The following SNX29 variants were observed in gnomAD, a reference collection of about 807,000 sequenced individuals.
SNX29 encodes the protein sorting nexin 29, also known as sorting nexin-29.
In SNX29, 78 loss-of-function variants were observed where a neutral mutation model predicts 102.1. The observed-to-expected ratio is 0.76, with a 90% CI of 0.64 to 0.92. The LOEUF (loss-of-function observed/expected upper bound fraction) is 0.92. Among genes scored for constraint, SNX29 ranks in the 40% least tolerant of loss-of-function variants. The pLI is 0.00. For synonymous variants in SNX29, 580 were observed against 414.5 expected (o/e 1.40, Z -4.85); for missense variants, 1,280 against 1,061.7 (o/e 1.21, Z -2.86).
At chr16:12,061,690 G>C in intron 9 of SNX29, 44 bp downstream of exon 9, 1 of 1,533,792 alleles carries the variant, frequency 6.5e-7, no homozygotes, top group Non-Finnish European at 8.9e-7. Context: ...AAGAGCTTTG[G>C]CTTCGAGAAC....
At chr16:12,029,547 C>T in intron 4 of SNX29, 1 of 453,646 alleles carries the variant, frequency 2.2e-6, no homozygotes, top group Non-Finnish European at 4.4e-6. Context: ...AGAACCACTG[C>T]CGTTATTGGC....
intron 18 of SNX29, among the ~76,000 whole-genome samples, chr16:12,445,424 T>G (rs2086006459): frequency 6.6e-6 from 1 of 152,186 alleles, no homozygotes; most frequent in South Asian, 2.1e-4. Flanking sequence ...GCAACTCTCC[T>G]GTGTGCATCT....
chr16:12,506,285 C>G (rs1055050622), intron 19 of SNX29, among the ~76,000 whole-genome samples: 1 of 152,128 alleles, frequency 6.6e-6, no homozygotes, highest in Admixed American at 6.5e-5. Flanking sequence ...TCAAACCAAT[C>G]ACTGTATCCA....
chr16:12,549,890 G>A (rs556443480), intron 20 of SNX29, among the ~76,000 whole-genome samples: 1 of 152,262 alleles, frequency 6.6e-6, no homozygotes, highest in Non-Finnish European at 1.5e-5. Context: ...CTAGAACAGA[G>A]ATCAGAAAAT....
chr16:12,149,037 C>A (rs1031105590), intron 13 of SNX29, among the ~76,000 whole-genome samples: 2 of 152,154 alleles, frequency 1.3e-5, no homozygotes, highest in Admixed American at 1.3e-4. Flanking sequence ...TAGATCTATT[C>A]CAAGGAGCCT....
At chr16:12,048,808 G>A (rs548498328) in intron 7 of SNX29, among the ~76,000 whole-genome samples, 188 bp downstream of exon 7, 8 of 152,278 alleles carry the variant, frequency 5.3e-5, no homozygotes, top group Admixed American at 2.0e-4. Context: ...ACCTAGATGC[G>A]AGAATTGCCG....
At chr16:12,094,309 A>G (rs959470983) in intron 11 of SNX29, among the ~76,000 whole-genome samples, 1 of 152,226 alleles carries the variant, frequency 6.6e-6, no homozygotes, top group African/African-American at 2.4e-5. Context: ...AGTATCTGGC[A>G]TCTTAAAGAC....
At chr16:12,369,487 G>T (rs556242932) in intron 16 of SNX29, among the ~76,000 whole-genome samples, 1 of 152,314 alleles carries the variant, frequency 6.6e-6, no homozygotes, top group African/African-American at 2.4e-5. Flanking sequence ...GGGTTCCTGT[G>T]CCTGGGGCAA....
At chr16:12,471,617 A>G (rs1481416790) in intron 18 of SNX29, among the ~76,000 whole-genome samples, 2 of 152,188 alleles carry the variant, frequency 1.3e-5, no homozygotes, top group Admixed American at 6.5e-5. Context: ...TGCCCCATCT[A>G]CGGCCTGGCT....
chr16:12,221,008 C>A lies in SNX29; in HGVS notation c.1678+21325C>A, dbSNP rs78767550. On this transcript the variant is annotated intron_variant, in intron 14 of 20. Transcript: ENST00000566228. The stretch of plus-strand genomic sequence containing the variant: ...TTAAGTACGTCTTTATTACAGTCTG[C>A]CTCGATGCTCACCCTCTCTTCATTG... Among the ~76,000 whole-genome samples, 234 of 152,292 alleles carry A rather than the reference C, an allele frequency of 1.5e-3. 2 individuals carry two copies. The East Asian group carries it at 0.034, about 22-fold the overall frequency.
At chr16:12,218,166 C>T (rs2077374601) in intron 14 of SNX29, among the ~76,000 whole-genome samples, 2 of 152,168 alleles carry the variant, frequency 1.3e-5, no homozygotes, top group African/African-American at 4.8e-5. Flanking sequence ...GTACTTCATA[C>T]TTTGATTTTT....
At chr16:12,568,191 A>AG (rs796636237) in intron 20 of SNX29, among the ~76,000 whole-genome samples, 43 of 152,196 alleles carry the variant, frequency 2.8e-4, no homozygotes, top group African/African-American at 9.9e-4. Context: ...AATGTGGGGA[A>AG]GAAAGCTGTG....
chr16:12,513,964 A>G (rs1211400260), intron 19 of SNX29, among the ~76,000 whole-genome samples: 3 of 152,126 alleles, frequency 2.0e-5, no homozygotes, highest in South Asian at 4.1e-4. Flanking sequence ...CCCAGAAACA[A>G]CTGCTCAGGC....
intron 11 of SNX29, among the ~76,000 whole-genome samples, chr16:12,106,584 C>T (rs2053256202): frequency 6.6e-6 from 1 of 151,896 alleles, no homozygotes; most frequent in Non-Finnish European, 1.5e-5. Context: ...ATTGATCCTC[C>T]TGCCTCAGCC....
chr16:12,416,256 G>A (rs753473511), intron 18 of SNX29, among the ~76,000 whole-genome samples: 9 of 152,066 alleles, frequency 5.9e-5, no homozygotes, highest in African/African-American at 2.2e-4. Context: ...TAGCACAGAC[G>A]CAAGCAGAGC....
At chr16:12,349,275 T>A (rs1334403397) in intron 15 of SNX29, among the ~76,000 whole-genome samples, 1 of 152,238 alleles carries the variant, frequency 6.6e-6, no homozygotes, top group Non-Finnish European at 1.5e-5. Flanking sequence ...CAGATTTCAC[T>A]GTCACTCCCT....
At chr16:12,535,934 G>A (rs920331732) in intron 20 of SNX29, among the ~76,000 whole-genome samples, 11 of 152,168 alleles carry the variant, frequency 7.2e-5, no homozygotes, top group African/African-American at 2.7e-4. Flanking sequence ...AAATGGGGCT[G>A]GGGAGGGTTA....
At chr16:12,079,948 C>T (rs564634278) in intron 11 of SNX29, among the ~76,000 whole-genome samples, 1 of 152,144 alleles carries the variant, frequency 6.6e-6, no homozygotes, top group Admixed American at 6.5e-5. Flanking sequence ...TCATTTAGCT[C>T]TGGGTGAAAT....
intron 18 of SNX29, among the ~76,000 whole-genome samples, chr16:12,447,410 G>T (rs1441442682): frequency 6.6e-6 from 1 of 152,126 alleles, no homozygotes; most frequent in East Asian, 1.9e-4. Context: ...CTGGTGTCCA[G>T]CCTAATCCTG....
Sources: gnomAD v4.1 joint callset for allele counts (sites outside exome capture counted in the v4.1 genomes callset) on GRCh38, gnomAD v4.1.1 for gene constraint, MANE v1.5 for transcripts, NCBI Gene and HGNC (gene_info 2026-07-23, HGNC 2026-07-21) for gene names.